The following KLHL32 variants were observed in gnomAD, a reference collection of about 807,000 sequenced individuals.
KLHL32 encodes kelch-like protein 32.
A neutral mutation model predicts 64.8 loss-of-function variants in KLHL32; 35 were observed. The observed-to-expected ratio is 0.54, with a 90% CI of 0.41 to 0.72. The LOEUF (loss-of-function observed/expected upper bound fraction) is 0.72, where lower values mean the gene tolerates loss of function less well. Ranked by LOEUF, KLHL32 falls within the 30% of genes least tolerant of loss-of-function variation. The pLI, the probability that KLHL32 is intolerant of heterozygous loss-of-function variation, is 0.00. For synonymous variants in KLHL32, 259 were observed against 281.0 expected (o/e 0.92, Z 0.78); for missense variants, 589 against 768.5 (o/e 0.77, Z 2.76).
In KLHL32 at chr6:97,112,765, TA is replaced by T. The variant is rs34565706; in HGVS notation, c.628-1007del. ...TGGCCCTGATGAATTTTTTTAATTTTAAAAAAAAAAAGGAGAATTTCTTAAA... is the reference window on the plus strand; with the variant it reads ...TGGCCCTGATGAATTTTTTTAATTTTAAAAAAAAAAGGAGAATTTCTTAAA... On this transcript the variant is annotated intron_variant, in intron 6 of 10. Transcript: ENST00000369261. Among the ~76,000 whole-genome samples, 647 of 144,660 alleles carry T rather than the reference TA, an allele frequency of 4.5e-3. 3 individuals are homozygous for T. Among genetic ancestry groups the T allele is most frequent in the African/African-American group, 0.014 (541 of 39,946 alleles). 94.9% of individuals were successfully genotyped at this position (144,660 alleles called of 152,430 possible).
At position 96,984,708 on chromosome 6, in the gene KLHL32, T is replaced by A. The variant is rs531429263; in HGVS notation, c.204+8531T>A. ...TAGGATTGCAACCCCTGCCTTTTTT[T>A]GTTTTCTATTTGCTTGGTGGATCTT... On this transcript the variant is annotated intron_variant, in intron 3 of 10. Coordinates refer to ENST00000369261, the MANE Select transcript of KLHL32 (RefSeq NM_052904.4). Among the ~76,000 whole-genome samples, 31 of 152,324 alleles carry A rather than the reference T, an allele frequency of 2.0e-4. 1 individual carries two copies. The highest frequency in any genetic ancestry group is 3.4e-3 in the Middle Eastern group (1 of 294).
intron 10 of KLHL32, 130 bp from the exon 11 acceptor site, chr6:97,138,991 A>G (rs1800379569): frequency 1.2e-6 from 1 of 824,232 alleles, no homozygotes; most frequent in Non-Finnish European, 1.9e-6. Context: ...TCCAAGCAAG[A>G]AAAAGAATTC....
At chr6:96,986,393 C>G (rs1050764272) in intron 3 of KLHL32, among the ~76,000 whole-genome samples, 2 of 152,192 alleles carry the variant, frequency 1.3e-5, no homozygotes, top group Admixed American at 1.3e-4. Flanking sequence ...CTACTCTCGT[C>G]AAGGCTGTCA....
intron 6 of KLHL32, among the ~76,000 whole-genome samples, chr6:97,107,877 G>A (rs959176745): frequency 1.3e-5 from 2 of 152,232 alleles, no homozygotes; most frequent in Non-Finnish European, 2.9e-5. Context: ...TTCCATTTAT[G>A]CCACAAATAT....
intron 3 of KLHL32, among the ~76,000 whole-genome samples, chr6:97,039,089 C>CAAAAAA (rs535614966): frequency 1.3e-5 from 1 of 75,074 alleles, no homozygotes; most frequent in African/African-American, 4.3e-5. Flanking sequence ...GACTCTGTCT[C>CAAAAAA]AAAAAAAAAA....
chr6:96,997,409 G>T lies in KLHL32; in HGVS notation c.204+21232G>T, dbSNP rs532216052. ...AAAACACCCACATATGTATGCATTG[G>T]TTAAGACATTAGTTTGTCTTATTTC... On this transcript the variant is annotated intron_variant, in intron 3 of 10. Transcript: ENST00000369261. Among the ~76,000 whole-genome samples the T allele has an allele frequency of 3.3e-5, 5 of 152,216 alleles. No individual in the cohort carries two copies. The South Asian group carries it at 1.0e-3, about 32-fold the overall frequency.
At chr6:96,900,561 G>A in the KLHL32 span, among the ~76,000 whole-genome samples, 2 of 152,220 alleles carry the variant, frequency 1.3e-5, no homozygotes, top group African/African-American at 4.8e-5. Context: ...GGCATAAAAT[G>A]CCACCTGCCT....
chr6:97,127,775 T>C (rs1173059725), intron 8 of KLHL32, among the ~76,000 whole-genome samples: 2 of 152,342 alleles, frequency 1.3e-5, no homozygotes, highest in East Asian at 3.9e-4. Context: ...GAGGGGATCA[T>C]GCTTATGGTT....
intron 5 of KLHL32, among the ~76,000 whole-genome samples, chr6:97,073,002 G>T (rs1268044090): frequency 6.6e-6 from 1 of 152,122 alleles, no homozygotes; most frequent in Non-Finnish European, 1.5e-5. Flanking sequence ...GATGTTGAAG[G>T]ATTCAATGAG....
chr6:97,006,498 A>T (rs918134631), intron 3 of KLHL32, among the ~76,000 whole-genome samples: 1 of 152,094 alleles, frequency 6.6e-6, no homozygotes, highest in African/African-American at 2.4e-5. Context: ...GGGCATTTAT[A>T]CTGTTTACAT....
At chr6:97,082,485 C>A (rs575425948) in intron 5 of KLHL32, among the ~76,000 whole-genome samples, 1 of 151,836 alleles carries the variant, frequency 6.6e-6, no homozygotes, top group Non-Finnish European at 1.5e-5. Flanking sequence ...TGGTGGCGGG[C>A]GCCTGTAGTC....
intron 6 of KLHL32, among the ~76,000 whole-genome samples, chr6:97,097,814 G>A (rs1257279136): frequency 6.6e-6 from 1 of 152,190 alleles, no homozygotes; most frequent in East Asian, 1.9e-4. Flanking sequence ...GGATACTTTA[G>A]CCAGTTTGCT....
At chr6:97,080,235 T>C (rs138247974) in intron 5 of KLHL32, among the ~76,000 whole-genome samples, 117 of 152,278 alleles carry the variant, frequency 7.7e-4, no homozygotes, top group African/African-American at 2.8e-3. Context: ...CCTTTGTGTG[T>C]ACGTGTCAGA....
At chr6:97,126,993 C>T (rs146043533) in intron 7 of KLHL32, among the ~76,000 whole-genome samples, 26 of 152,160 alleles carry the variant, frequency 1.7e-4, no homozygotes, top group Non-Finnish European at 2.9e-4. Context: ...TGTTAGAGTA[C>T]GGATGTTAGA....
At chr6:97,114,953 A>T (rs940382498) in intron 7 of KLHL32, among the ~76,000 whole-genome samples, 1 of 152,238 alleles carries the variant, frequency 6.6e-6, no homozygotes, top group Non-Finnish European at 1.5e-5. Context: ...ATCAATAGGT[A>T]TATATCCAAG....
At chr6:97,075,649 C>T (rs1264325123) in intron 5 of KLHL32, among the ~76,000 whole-genome samples, 1 of 152,132 alleles carries the variant, frequency 6.6e-6, no homozygotes, top group Non-Finnish European at 1.5e-5. Context: ...CAGACCTTAC[C>T]GCACATCCAC....
intron 1 of KLHL32, among the ~76,000 whole-genome samples, chr6:96,926,399 C>A (rs1769165044): frequency 6.6e-6 from 1 of 152,180 alleles, no homozygotes; most frequent in African/African-American, 2.4e-5. Flanking sequence ...TGAATGATGA[C>A]AAACATTTTA....
Position 97,037,009 on chromosome 6 carries a change from T to G in KLHL32, c.205-4483T>G, listed in dbSNP as rs140089382. ...CTCAGTTCTAAAAAATGTTCAATTTTTAAAATTTATGATAAAGTAAATTTC... is the reference window on the plus strand; with the variant it reads ...CTCAGTTCTAAAAAATGTTCAATTTGTAAAATTTATGATAAAGTAAATTTC... On this transcript the variant is annotated intron_variant, in intron 3 of 10. Transcript: ENST00000369261. Among the ~76,000 whole-genome samples the G allele has an allele frequency of 2.4e-4, 37 of 152,352 alleles. No homozygotes were observed. In the East Asian group the frequency reaches 4.6e-3, roughly 19 times the overall value.
Position 97,059,633 on chromosome 6 carries a change from T to A in KLHL32, c.313-4995T>A, listed in dbSNP as rs1035986418. ...GAGTCAATTTAGAAAATTCTTTTCC[T>A]TTAAATGGCTGCCACCTTGTGGATA... On this transcript the variant is annotated intron_variant, in intron 4 of 10. Transcript: ENST00000369261. 4.6e-5 allele frequency among the ~76,000 whole-genome samples: 7 copies of A among 151,818 alleles called. No homozygotes were observed. In the East Asian group the frequency reaches 1.3e-3, roughly 29 times the overall value.
Sources: gnomAD v4.1 joint callset for allele counts (sites outside exome capture counted in the v4.1 genomes callset) on GRCh38, gnomAD v4.1.1 for gene constraint, MANE v1.5 for transcripts, NCBI Gene and HGNC (gene_info 2026-07-23, HGNC 2026-07-21) for gene names.